Variants in ENTREP2 observed in about 807,000 individuals in gnomAD.
ENTREP2 encodes protein ENTREP2.
the ENTREP2 span, among the ~76,000 whole-genome samples, chr15:29,331,724 G>T: frequency 5.3e-5 from 8 of 152,194 alleles, no homozygotes; most frequent in Non-Finnish European, 1.2e-4. Context: ...TGCCCTTGCA[G>T]GCTCCGTCTT....
chr15:29,558,231 G>C, the ENTREP2 span, among the ~76,000 whole-genome samples: 771 of 152,210 alleles, frequency 5.1e-3, 20 homozygotes, highest in Admixed American at 0.035. Context: ...GGAGCAGCCT[G>C]TCATCATGTG....
At chr15:29,588,556 G>A in the ENTREP2 span, among the ~76,000 whole-genome samples, 1 of 89,400 alleles carries the variant, frequency 1.1e-5, no homozygotes, top group African/African-American at 6.0e-5. Flanking sequence ...GAGAGAGAGA[G>A]AGAGAGAGAG....
the ENTREP2 span, among the ~76,000 whole-genome samples, chr15:29,666,290 C>T: frequency 8.1e-4 from 123 of 152,216 alleles, no homozygotes; most frequent in East Asian, 0.019. Context: ...GGGGTGTCAC[C>T]AGCAGCTCAG....
the ENTREP2 span, among the ~76,000 whole-genome samples, chr15:29,449,075 C>A: frequency 0.037 from 5,588 of 152,228 alleles, 136 homozygotes; most frequent in South Asian, 0.11. Flanking sequence ...GAGAATGTTG[C>A]GATCACTGAA....
chr15:29,159,315 G>A, the ENTREP2 span, among the ~76,000 whole-genome samples: 819 of 152,256 alleles, frequency 5.4e-3, 7 homozygotes, highest in African/African-American at 0.019. Context: ...GCTGGCTCCA[G>A]GAGTGAAGCT....
chr15:29,277,824 C>T, the ENTREP2 span, among the ~76,000 whole-genome samples: 5 of 152,252 alleles, frequency 3.3e-5, no homozygotes, highest in South Asian at 2.1e-4. Flanking sequence ...TTCCAGACTA[C>T]GCTTTAGCCT....
the ENTREP2 span, chr15:29,269,379 G>C: frequency 1.2e-6 from 2 of 1,614,128 alleles, no homozygotes; most frequent in South Asian, 1.1e-5. Flanking sequence ...TCAGTATGTC[G>C]GCCCGCTTGA....
At chr15:29,390,155 C>T in the ENTREP2 span, among the ~76,000 whole-genome samples, 65 of 152,184 alleles carry the variant, frequency 4.3e-4, no homozygotes, top group African/African-American at 1.5e-3. Context: ...TGCTCTGAAA[C>T]CATCGGATCT....
chr15:29,272,006 A>G, the ENTREP2 span, among the ~76,000 whole-genome samples: 1 of 152,284 alleles, frequency 6.6e-6, no homozygotes, highest in South Asian at 2.1e-4. Flanking sequence ...GCAGCCCACC[A>G]GTCAGACTAC....
chr15:29,327,594 CAAA>C, the ENTREP2 span, among the ~76,000 whole-genome samples: 5 of 92,362 alleles, frequency 5.4e-5, no homozygotes, highest in Non-Finnish European at 9.8e-5. Context: ...GACCCCATCT[CAAA>C]AAAAAAAAAA....
the ENTREP2 span, among the ~76,000 whole-genome samples, chr15:29,278,670 C>G: frequency 4.0e-4 from 61 of 152,334 alleles, no homozygotes; most frequent in South Asian, 0.012. Flanking sequence ...AACAACATGA[C>G]TCACAGAGGA....
At chr15:29,575,253 G>A in the ENTREP2 span, among the ~76,000 whole-genome samples, 3 of 152,126 alleles carry the variant, frequency 2.0e-5, no homozygotes, top group Non-Finnish European at 4.4e-5. Context: ...CCTAGGAGCT[G>A]GCAAAACAAT....
the ENTREP2 span, among the ~76,000 whole-genome samples, chr15:29,361,117 C>T: frequency 6.6e-6 from 1 of 152,190 alleles, no homozygotes; most frequent in African/African-American, 2.4e-5. Context: ...CTGATCTACC[C>T]GCCCAAACTC....
At chr15:29,602,463 G>T in the ENTREP2 span, among the ~76,000 whole-genome samples, 1 of 152,194 alleles carries the variant, frequency 6.6e-6, no homozygotes, top group Admixed American at 6.5e-5. Flanking sequence ...GATATAATCA[G>T]AATTCTAACA....
At chr15:29,214,602 G>A in the ENTREP2 span, among the ~76,000 whole-genome samples, 1 of 151,832 alleles carries the variant, frequency 6.6e-6, no homozygotes, top group South Asian at 2.1e-4. Context: ...ACGAGTTAAT[G>A]GGTGCAGCAC....
chr15:29,153,581 G>C, the ENTREP2 span, among the ~76,000 whole-genome samples: 1 of 152,098 alleles, frequency 6.6e-6, no homozygotes, highest in Non-Finnish European at 1.5e-5. Context: ...AACATATTGG[G>C]AATTAGAATT....
chr15:29,379,619 C>A, the ENTREP2 span, among the ~76,000 whole-genome samples: 1 of 152,130 alleles, frequency 6.6e-6, no homozygotes, highest in Non-Finnish European at 1.5e-5. Flanking sequence ...CATCCCCCCA[C>A]TGGGATGAGT....
At chr15:29,603,155 T>C in the ENTREP2 span, among the ~76,000 whole-genome samples, 1 of 151,958 alleles carries the variant, frequency 6.6e-6, no homozygotes, top group Non-Finnish European at 1.5e-5. Flanking sequence ...GAAGAAGCTG[T>C]GAAAGGATGC....
At chr15:29,259,684 ACACCTAGTGAAGCCTGG>A in the ENTREP2 span, among the ~76,000 whole-genome samples, 39 of 152,088 alleles carry the variant, frequency 2.6e-4, no homozygotes, top group Admixed American at 2.5e-3. Context: ...TTCCTTTAAA[ACACCTAGTGAAGCCTGG>A]CACAGTGGCT....
Sources: gnomAD v4.1 joint callset for allele counts (sites outside exome capture counted in the v4.1 genomes callset) on GRCh38, gnomAD v4.1.1 for gene constraint, MANE v1.5 for transcripts, NCBI Gene and HGNC (gene_info 2026-07-23, HGNC 2026-07-21) for gene names.